Variants in ATP1A2 observed in about 807,000 individuals in gnomAD.
The protein encoded by ATP1A2 is ATPase Na+/K+ transporting subunit alpha 2.
In ATP1A2, 56 loss-of-function variants were observed where a neutral mutation model predicts 113.1. The ratio of observed to expected loss-of-function variants is 0.49; its 90% CI spans 0.40 to 0.62. The LOEUF (loss-of-function observed/expected upper bound fraction) is 0.62. ATP1A2 is among the 20% of genes least tolerant of loss of function. ATP1A2 has a pLI of 0.00. For synonymous variants in ATP1A2, 490 were observed against 526.8 expected, an observed-to-expected ratio of 0.93 and a Z score of 0.96; for missense variants, 712 against 1,357.8, an observed-to-expected ratio of 0.52 and a Z score of 7.47.
At chr1:160,140,931 C>T (rs1272079398) in intron 22 of ATP1A2, among the ~76,000 whole-genome samples, 2 of 140,492 alleles carry the variant, frequency 1.4e-5, no homozygotes, top group Non-Finnish European at 3.0e-5. Context: ...GGCACGATCT[C>T]GGCTCACTGC....
At chr1:160,133,758 A>G (rs1376391888) in intron 13 of ATP1A2, among the ~76,000 whole-genome samples, 3 of 152,038 alleles carry the variant, frequency 2.0e-5, no homozygotes, top group African/African-American at 4.8e-5. Flanking sequence ...TCATGTGTAA[A>G]ATAAAGGAGT....
intron 22 of ATP1A2, among the ~76,000 whole-genome samples, chr1:160,141,088 C>T (rs1166388057): frequency 6.6e-6 from 1 of 151,936 alleles, no homozygotes; most frequent in African/African-American, 2.4e-5. Context: ...TCTTGATCTC[C>T]GCCTGCCTCA....
chr1:160,131,208 G>T (rs1651760444), intron 13 of ATP1A2, among the ~76,000 whole-genome samples: 1 of 152,184 alleles, frequency 6.6e-6, no homozygotes, highest in Admixed American at 6.5e-5. Context: ...GACACATCTA[G>T]ATGGGACAAT....
At chr1:160,119,437 C>T (rs1570981913) in intron 1 of ATP1A2, among the ~76,000 whole-genome samples, 1 of 152,020 alleles carries the variant, frequency 6.6e-6, no homozygotes, top group African/African-American at 2.4e-5. Flanking sequence ...ACTGAGCAGC[C>T]CCTCTATGAC....
Position 160,136,384 on chromosome 1 carries a change from C to G in ATP1A2, c.2563+14C>G. ...ACGGACAGATCGGTGCGCCAAGCCC[C>G]GGGCCTCGGGAGGGAACCCCAACAG... On this transcript the variant is annotated intron_variant, in intron 18 of 22. Coordinates refer to ENST00000361216, the MANE Select transcript of ATP1A2 (RefSeq NM_000702.4). 6.2e-7 allele frequency: 1 copy of G among 1,613,814 alleles called. No individual in the cohort carries two copies. Among genetic ancestry groups the G allele is most frequent in the Non-Finnish European group, 8.5e-7 (1 of 1,180,030 alleles).
In ATP1A2 at chr1:160,129,035, T is replaced by A. The variant is rs772041762; in HGVS notation, c.1272T>A (p.Gly424=). 6.2e-7 allele frequency: 1 copy of A among 1,612,170 alleles called. No individual in the cohort carries two copies. The highest frequency in any genetic ancestry group is 1.3e-5 in the African/African-American group (1 of 74,866). ...GGACGGCCCTGTCTCGAATTGCTGGTCTCTGCAACCGCGCCGTCTTCAAGG... is the reference window on the plus strand; with the variant it reads ...GGACGGCCCTGTCTCGAATTGCTGGACTCTGCAACCGCGCCGTCTTCAAGG... ...PTWTALSRIA[G]LCNRAVFKAG... Residue 424 remains glycine, a synonymous_variant, in exon 10 of 23, where the codon GGT becomes GGA. Transcript: ENST00000361216.
At chr1:160,139,832 T>C in intron 21 of ATP1A2, 61 bp from the exon 22 acceptor site, 1 of 1,610,602 alleles carries the variant, frequency 6.2e-7, no homozygotes, top group Non-Finnish European at 8.5e-7. Context: ...GAATGCTCCT[T>C]TATGTGACAG....
rs1273282858 is a variant in ATP1A2 at position 160,136,371 on chromosome 1, G to T, written c.2563+1G>T. ...ATCAGCATGGCCTACGGACAGATCG[G>T]TGCGCCAAGCCCCGGGCCTCGGGAG... On this transcript the variant is annotated splice_donor_variant, in intron 18 of 22. Coordinates refer to ENST00000361216, the MANE Select transcript of ATP1A2 (RefSeq NM_000702.4). LOFTEE classifies it high-confidence loss of function. The T allele has an allele frequency of 6.2e-7, 1 of 1,613,956 alleles. No individual in the cohort carries two copies. Among genetic ancestry groups the T allele is most frequent in the Non-Finnish European group, 8.5e-7 (1 of 1,180,044 alleles).
rs1652139821 is a variant in ATP1A2 at position 160,141,260 on chromosome 1, A to G, written c.3035-34A>G. 4 of 1,613,768 alleles carry G rather than the reference A, an allele frequency of 2.5e-6. No individual in the cohort carries two copies. The East Asian group carries it at 8.9e-5, about 36-fold the overall frequency. On this transcript the variant is annotated intron_variant, in intron 22 of 22. Coordinates refer to ENST00000361216, the MANE Select transcript of ATP1A2 (RefSeq NM_000702.4). ...TGATCTCTTGCCTCCTTTTAAGCTC[A>G]TGCTGCAATCTCCACTCCCAATCTC...
At chr1:160,130,892 C>T (rs989157967) in intron 13 of ATP1A2, among the ~76,000 whole-genome samples, 8 of 152,176 alleles carry the variant, frequency 5.3e-5, no homozygotes, top group Non-Finnish European at 1.0e-4. Context: ...ATCTGGCACT[C>T]CTATCTTGAA....
rs1045304439 is a variant in ATP1A2, at chr1:160,140,846, C to CTTT, written c.3035-421_3035-419dup. 432 of 87,096 alleles carry CTTT rather than the reference C, an allele frequency of 5.0e-3. 69 individuals are homozygous for CTTT. The highest frequency in any genetic ancestry group is 7.3e-3 in the East Asian group (24 of 3,306). 5.4% of individuals were successfully genotyped at this position (87,096 alleles called of 1,614,324 possible). ...ACCTCCTTCTCCTCCCTTTCACCTT[C>CTTT]TTTTTTTTTTTTTTTTTTTTTTTTT... On this transcript the variant is annotated intron_variant, in intron 22 of 22. Transcript: ENST00000361216.
At chr1:160,116,888 AG>A (rs1243735824) in intron 1 of ATP1A2, among the ~76,000 whole-genome samples, 4 of 152,160 alleles carry the variant, frequency 2.6e-5, no homozygotes, top group African/African-American at 9.7e-5. Context: ...CCTGGACACC[AG>A]GGTTCCTGAG....
chr1:160,126,895 G>A (rs1651604568), intron 7 of ATP1A2, among the ~76,000 whole-genome samples: 1 of 152,148 alleles, frequency 6.6e-6, no homozygotes, highest in Non-Finnish European at 1.5e-5. Context: ...AAAGAGGAAA[G>A]GAAATAAATG....
At chr1:160,138,821 C>T (rs1429255995) in intron 20 of ATP1A2, among the ~76,000 whole-genome samples, 4 of 144,526 alleles carry the variant, frequency 2.8e-5, no homozygotes, top group Non-Finnish European at 4.7e-5. Context: ...CAGAGTGAGA[C>T]TCTGTCTCAG....
chr1:160,141,998 G>A lies in ATP1A2; in HGVS notation c.*676G>A, dbSNP rs1652168082. On this transcript the variant is annotated 3_prime_UTR_variant, in exon 23 of 23. Coordinates refer to ENST00000361216, the MANE Select transcript of ATP1A2 (RefSeq NM_000702.4). ...ACAGGACATTTGACATGAGTCTCCA[G>A]ATAGATGTCGTGGACTCCAGCTCTA... is the stretch of plus-strand genomic sequence containing the variant. The A allele has an allele frequency of 6.4e-6, 1 of 155,492 alleles. No individual in the cohort carries two copies. The highest frequency in any genetic ancestry group is 1.4e-5 in the Non-Finnish European group (1 of 69,878). The allele number at this position is 155,492 out of a possible 1,614,324, so 9.6% of individuals were successfully genotyped here.
intron 13 of ATP1A2, 45 bp downstream of exon 13, chr1:160,130,642 C>T: frequency 6.2e-7 from 1 of 1,613,188 alleles, no homozygotes; most frequent in Non-Finnish European, 8.5e-7. Context: ...TCCCCCATGC[C>T]AGAGTTCAAG....
In ATP1A2 at chr1:160,141,297, G is replaced by C; in HGVS notation, c.3038G>C (p.Trp1013Ser). 2 of 1,614,092 alleles carry C rather than the reference G, an allele frequency of 1.2e-6. No individual in the cohort carries two copies. The highest frequency in any genetic ancestry group is 1.7e-6 in the Non-Finnish European group (2 of 1,179,972). ...CCACTCCCAATCTCTCTAACAGGCT[G>C]GGTGGAGAAGGAGACATACTACTGA... ...KLILRRYPGG[W>S]VEKETYY Residue 1013 changes from tryptophan to serine, a missense_variant, in exon 23 of 23, where the codon TGG becomes TCG. Around this residue, in one of 6 missense-constraint regions of ATP1A2, gnomAD observed 188 missense variants for 438.9 expected, o/e 0.43. Transcript: ENST00000361216.
chr1:160,138,962 G>T (rs565867687), intron 20 of ATP1A2, among the ~76,000 whole-genome samples: 181 of 152,218 alleles, frequency 1.2e-3, no homozygotes, highest in Non-Finnish European at 2.4e-3. Flanking sequence ...ATGATAAAAA[G>T]GTAAAATCTC....
intron 7 of ATP1A2, among the ~76,000 whole-genome samples, chr1:160,126,162 C>A (rs1302336946): frequency 6.6e-6 from 1 of 152,104 alleles, no homozygotes; most frequent in African/African-American, 2.4e-5. Context: ...TCCAGGACCC[C>A]CTTCGTTACC....
Sources: gnomAD v4.1 joint callset for allele counts (sites outside exome capture counted in the v4.1 genomes callset) on GRCh38, gnomAD v4.1.1 for gene constraint, gnomAD v4.1.1 regional missense constraint, MANE v1.5 for transcripts, NCBI Gene and HGNC (gene_info 2026-07-23, HGNC 2026-07-21) for gene names.